CNOT1: variants seen among roughly 807,000 people sequenced by gnomAD.
CNOT1 encodes the protein CCR4-NOT transcription complex subunit 1.
Under a neutral mutation model 273.8 loss-of-function variants are expected in CNOT1, and 15 were observed. The ratio of observed to expected loss-of-function variants is 0.05; its 90% CI spans 0.04 to 0.08. The LOEUF (loss-of-function observed/expected upper bound fraction) is 0.08, where lower values mean the gene tolerates loss of function less well. CNOT1 is among the 10% of genes least tolerant of loss of function. The pLI, the probability that CNOT1 is intolerant of heterozygous loss-of-function variation, is 1.00. For missense variants in CNOT1, 1,644 were observed against 2,912.2 expected (o/e 0.56, Z 10.02); for synonymous variants, 1,022 against 1,005.5 (o/e 1.02, Z -0.31).
At chr16:58,620,843 C>T (rs922706589) in intron 1 of CNOT1, among the ~76,000 whole-genome samples, 3 of 151,922 alleles carry the variant, frequency 2.0e-5, no homozygotes, top group African/African-American at 7.3e-5. Flanking sequence ...ATTTAAGTGG[C>T]ATTTTGGCAG....
At chr16:58,608,039 G>A (rs994273281) in intron 1 of CNOT1, among the ~76,000 whole-genome samples, 3 of 151,786 alleles carry the variant, frequency 2.0e-5, no homozygotes, top group African/African-American at 7.3e-5. Flanking sequence ...AGCCAGGTGT[G>A]GTAGCTAGCA....
At chr16:58,581,876 T>C (rs1426387556) in intron 10 of CNOT1, among the ~76,000 whole-genome samples, 2 of 152,062 alleles carry the variant, frequency 1.3e-5, no homozygotes, top group Non-Finnish European at 2.9e-5. Context: ...CTGGCCAGGA[T>C]GGTATCAAAC....
chr16:58,562,313 T>TGAA (rs1463713286), intron 16 of CNOT1, among the ~76,000 whole-genome samples: 1 of 148,684 alleles, frequency 6.7e-6, no homozygotes, highest in African/African-American at 2.5e-5. Flanking sequence ...GACCAGCCTG[T>TGAA]GAACACAGCC....
intron 2 of CNOT1, among the ~76,000 whole-genome samples, chr16:58,592,651 C>T (rs544866922): frequency 6.6e-6 from 1 of 152,234 alleles, no homozygotes; most frequent in African/African-American, 2.4e-5. Context: ...GGGCCAAATT[C>T]AGATTTCTCT....
At chr16:58,556,768 C>T in intron 19 of CNOT1, 79 bp downstream of exon 19, 2 of 1,545,064 alleles carry the variant, frequency 1.3e-6, no homozygotes, top group South Asian at 1.3e-5. Flanking sequence ...AACACATGGC[C>T]CTACTAACAC....
chr16:58,594,228 G>A (rs1423831489), intron 2 of CNOT1, among the ~76,000 whole-genome samples: 10 of 151,408 alleles, frequency 6.6e-5, no homozygotes, highest in Admixed American at 5.9e-4. Flanking sequence ...TGGGCAACAA[G>A]AGCGAAACTC....
At chr16:58,549,083 G>C (rs954610216) in intron 25 of CNOT1, among the ~76,000 whole-genome samples, 1 of 152,170 alleles carries the variant, frequency 6.6e-6, no homozygotes, top group African/African-American at 2.4e-5. Context: ...AAGGTCAGGA[G>C]TTCGGGACCA....
intron 1 of CNOT1, among the ~76,000 whole-genome samples, chr16:58,605,765 C>G (rs2042654366): frequency 3.3e-5 from 5 of 152,114 alleles, no homozygotes; most frequent in Admixed American, 3.3e-4. Context: ...CTCAGATGAT[C>G]CTCCTACCTC....
intron 2 of CNOT1, among the ~76,000 whole-genome samples, chr16:58,594,446 T>C (rs1018214770): frequency 6.6e-6 from 1 of 152,084 alleles, no homozygotes; most frequent in African/African-American, 2.4e-5. Flanking sequence ...GTTCTGAAAT[T>C]AGATAGTGGT....
In CNOT1 at chr16:58,539,979, A is replaced by C. The variant is rs1211595584; in HGVS notation, c.4801-20T>G. 1.9e-6 allele frequency: 3 copies of C among 1,590,190 alleles called. No homozygotes were observed. Among genetic ancestry groups the C allele is most frequent in the Non-Finnish European group, 1.7e-6 (2 of 1,166,420 alleles). Reference sequence around the variant, plus strand: ...AGCTTGCTGTTTTACAGAAGGAAACAACCAACAAGAGACAAAAGAATGTTA... The same window carrying C: ...AGCTTGCTGTTTTACAGAAGGAAACCACCAACAAGAGACAAAAGAATGTTA... On this transcript the variant is annotated intron_variant, in intron 34 of 48. Coordinates refer to ENST00000317147, the MANE Select transcript of CNOT1 (RefSeq NM_016284.5).
chr16:58,553,647 A>T (rs1023243111), intron 22 of CNOT1, 135 bp downstream of exon 22: 11 of 1,097,698 alleles, frequency 1.0e-5, no homozygotes, highest in Non-Finnish European at 1.3e-5. Flanking sequence ...TCAACAAAAG[A>T]TATGTGTACC....
At chr16:58,591,662 G>A (rs949977070) in intron 2 of CNOT1, among the ~76,000 whole-genome samples, 2 of 151,812 alleles carry the variant, frequency 1.3e-5, no homozygotes, top group African/African-American at 2.4e-5. Context: ...GCTGAGGCTG[G>A]AGAATCGCTT....
At chr16:58,566,796 G>C (rs2041059029) in intron 16 of CNOT1, among the ~76,000 whole-genome samples, 1 of 152,148 alleles carries the variant, frequency 6.6e-6, no homozygotes, top group South Asian at 2.1e-4. Flanking sequence ...ACCACGCCTG[G>C]CTAATTTTTC....
chr16:58,549,295 T>TGA (rs537693057), intron 25 of CNOT1, among the ~76,000 whole-genome samples: 5 of 44,286 alleles, frequency 1.1e-4, no homozygotes, highest in African/African-American at 4.8e-4. Flanking sequence ...TCAAAAAAAT[T>TGA]GAAAAAAAAA....
chr16:58,587,263 A>C lies in CNOT1; in HGVS notation c.379-8T>G. ...GGCAAGGCCAAAAATTACCTGAAAC[A>C]AGAAGGATTAGATTAACCAAAGAGT... On this transcript the variant is annotated splice_polypyrimidine_tract_variant and splice_region_variant and intron_variant, in intron 5 of 48. Transcript: ENST00000317147. 1.2e-6 allele frequency: 2 copies of C among 1,613,826 alleles called. No homozygotes were observed. The highest frequency in any genetic ancestry group is 1.7e-6 in the Non-Finnish European group (2 of 1,179,906).
At chr16:58,530,566 T>C in intron 42 of CNOT1, 1 of 345,704 alleles carries the variant, frequency 2.9e-6, no homozygotes. Context: ...GTGGATCACT[T>C]GAAGTCAGGA....
At chr16:58,531,401 T>C (rs2039774532) in intron 42 of CNOT1, among the ~76,000 whole-genome samples, 1 of 152,202 alleles carries the variant, frequency 6.6e-6, no homozygotes, top group South Asian at 2.1e-4. Flanking sequence ...TGTGTTGTAT[T>C]ACCAATTAGA....
chr16:58,629,206 G>GT (rs1474520439), intron 1 of CNOT1, among the ~76,000 whole-genome samples: 1 of 152,220 alleles, frequency 6.6e-6, no homozygotes, highest in African/African-American at 2.4e-5. Flanking sequence ...GACGGGGAGA[G>GT]TGGCAGCTCC....
intron 11 of CNOT1, among the ~76,000 whole-genome samples, chr16:58,581,134 A>T (rs2041644464): frequency 6.6e-6 from 1 of 151,588 alleles, no homozygotes; most frequent in South Asian, 2.1e-4. Flanking sequence ...ACTATTGGGA[A>T]AACACCTTGA....
Sources: gnomAD v4.1 joint callset for allele counts (sites outside exome capture counted in the v4.1 genomes callset) on GRCh38, gnomAD v4.1.1 for gene constraint, MANE v1.5 for transcripts, NCBI Gene and HGNC (gene_info 2026-07-23, HGNC 2026-07-21) for gene names.